The following ROBO1 variants were observed in gnomAD, a reference collection of about 807,000 sequenced individuals.
ROBO1 encodes roundabout guidance receptor 1, also known as roundabout homolog 1.
Under a neutral mutation model 195.9 loss-of-function variants are expected in ROBO1, and 149 were observed. The ratio of observed to expected loss-of-function variants is 0.76; its 90% confidence interval spans 0.67 to 0.87. ROBO1 has a LOEUF of 0.87. Ranked by LOEUF, ROBO1 falls within the 40% of genes least tolerant of loss-of-function variation. ROBO1 has a pLI of 0.00. For synonymous variants in ROBO1, 816 were observed against 733.2 expected (o/e 1.11, Z -1.82); for missense variants, 1,933 against 2,068.3 (o/e 0.93, Z 1.27).
intron 2 of ROBO1, among the ~76,000 whole-genome samples, chr3:79,232,324 G>A (rs1184103581): frequency 6.7e-6 from 1 of 149,732 alleles, no homozygotes; most frequent in Non-Finnish European, 1.5e-5. Flanking sequence ...TAATGTTTAA[G>A]TATCTCCTAG....
chr3:78,632,821 C>G (rs1333047791), intron 24 of ROBO1, among the ~76,000 whole-genome samples: 3 of 152,068 alleles, frequency 2.0e-5, no homozygotes, highest in Non-Finnish European at 4.4e-5. Context: ...ATAAGATAAT[C>G]AAATATTAAA....
chr3:78,916,240 T>A (rs527606570), intron 4 of ROBO1, among the ~76,000 whole-genome samples: 8 of 90,022 alleles, frequency 8.9e-5, no homozygotes, highest in African/African-American at 4.5e-4. Context: ...ACAGCGAGAC[T>A]CCGTCAAAAA....
intron 1 of ROBO1, among the ~76,000 whole-genome samples, chr3:79,619,623 C>G (rs1388967816): frequency 6.6e-6 from 1 of 152,102 alleles, no homozygotes; most frequent in African/African-American, 2.4e-5. Flanking sequence ...AGAGAGGTGG[C>G]TAGAGCTGAA....
chr3:78,612,315 T>C (rs1276531803), intron 28 of ROBO1, among the ~76,000 whole-genome samples: 1 of 152,190 alleles, frequency 6.6e-6, no homozygotes, highest in Non-Finnish European at 1.5e-5. Flanking sequence ...CTTACAAATA[T>C]GTTCAATTCA....
intron 3 of ROBO1, among the ~76,000 whole-genome samples, chr3:78,986,087 A>G (rs1190547996): frequency 6.6e-6 from 1 of 152,202 alleles, no homozygotes; most frequent in Non-Finnish European, 1.5e-5. Context: ...AGCCATCAGG[A>G]GCTTGAAGAA....
intron 1 of ROBO1, among the ~76,000 whole-genome samples, chr3:79,765,090 C>A (rs899096948): frequency 5.9e-5 from 9 of 152,294 alleles, no homozygotes; most frequent in Non-Finnish European, 1.0e-4. Flanking sequence ...ATACAACAAA[C>A]ATGTGATTAA....
At chr3:79,722,877 G>T (rs1185323825) in intron 1 of ROBO1, among the ~76,000 whole-genome samples, 1 of 152,158 alleles carries the variant, frequency 6.6e-6, no homozygotes, top group African/African-American at 2.4e-5. Context: ...ATGCCAGGCA[G>T]AGAGGTCACA....
At chr3:78,669,730 T>C (rs1707952788) in intron 11 of ROBO1, among the ~76,000 whole-genome samples, 1 of 152,282 alleles carries the variant, frequency 6.6e-6, no homozygotes, top group Non-Finnish European at 1.5e-5. Flanking sequence ...TCTAAATATA[T>C]TGCACATAAA....
chr3:79,687,925 G>T (rs1461987614), intron 1 of ROBO1, among the ~76,000 whole-genome samples: 3 of 152,012 alleles, frequency 2.0e-5, no homozygotes, highest in East Asian at 1.9e-4. Flanking sequence ...GCACATGTAT[G>T]TTTCTTGTGG....
intron 1 of ROBO1, among the ~76,000 whole-genome samples, chr3:79,746,336 T>C (rs1041585874): frequency 2.0e-5 from 3 of 152,070 alleles, no homozygotes; most frequent in Non-Finnish European, 4.4e-5. Flanking sequence ...CGCCACTTTT[T>C]AAGATGACTG....
At chr3:79,416,876 G>C (rs770092858) in intron 2 of ROBO1, among the ~76,000 whole-genome samples, 11 of 152,138 alleles carry the variant, frequency 7.2e-5, no homozygotes, top group Non-Finnish European at 1.5e-4. Flanking sequence ...ATGGCACTCT[G>C]CAAGTGGCTT....
chr3:78,786,113 G>C (rs2083825347), intron 4 of ROBO1, among the ~76,000 whole-genome samples: 1 of 152,082 alleles, frequency 6.6e-6, no homozygotes, highest in African/African-American at 2.4e-5. Flanking sequence ...CCTTTAACCA[G>C]ACTTCTGGGT....
intron 4 of ROBO1, among the ~76,000 whole-genome samples, chr3:78,782,875 A>G (rs2108490021): frequency 6.6e-6 from 1 of 152,200 alleles, no homozygotes; most frequent in Non-Finnish European, 1.5e-5. Context: ...TTTTTCCAAT[A>G]TTTGGCACTG....
intron 2 of ROBO1, among the ~76,000 whole-genome samples, chr3:79,480,426 T>C (rs1311788168): frequency 6.6e-6 from 1 of 152,164 alleles, no homozygotes; most frequent in Non-Finnish European, 1.5e-5. Flanking sequence ...AAAGAGCTTT[T>C]CCTTTCTAGA....
chr3:78,845,727 G>A (rs1326133667), intron 4 of ROBO1, among the ~76,000 whole-genome samples: 1 of 152,156 alleles, frequency 6.6e-6, no homozygotes, highest in Non-Finnish European at 1.5e-5. Flanking sequence ...AACCCCCGGA[G>A]GGGAAAGTGG....
chr3:79,716,058 A>G (rs1702469385), intron 1 of ROBO1, among the ~76,000 whole-genome samples: 1 of 152,076 alleles, frequency 6.6e-6, no homozygotes, highest in South Asian at 2.1e-4. Flanking sequence ...ATTCCCCTTT[A>G]TAAAAAGTTA....
At chr3:78,720,955 G>A (rs547943870) in intron 5 of ROBO1, among the ~76,000 whole-genome samples, 4 of 151,012 alleles carry the variant, frequency 2.6e-5, no homozygotes, top group East Asian at 3.9e-4. Context: ...GGGGTTGGGG[G>A]GGGGGCGGTG....
At chr3:79,302,116 C>T (rs2032989765) in intron 2 of ROBO1, among the ~76,000 whole-genome samples, 2 of 152,152 alleles carry the variant, frequency 1.3e-5, no homozygotes, top group African/African-American at 4.8e-5. Context: ...GACGAAATTC[C>T]AGGAACTGAA....
At chr3:79,568,032 G>A in intron 2 of ROBO1, among the ~76,000 whole-genome samples, 1 of 151,858 alleles carries the variant, frequency 6.6e-6, no homozygotes. Context: ...ATATCCTTTG[G>A]CAAGTTGGTG....
Sources: allele counts gnomAD v4.1 joint callset (sites outside exome capture counted in the v4.1 genomes callset), GRCh38; gene constraint gnomAD v4.1.1; transcripts MANE v1.5; gene names NCBI Gene and HGNC (gene_info 2026-07-23, HGNC 2026-07-21).